The following RANBP17 variants were observed in gnomAD, a reference collection of about 807,000 sequenced individuals.
RANBP17 encodes ran-binding protein 17.
In RANBP17, 158 loss-of-function variants were observed where a neutral mutation model predicts 141.2. The observed-to-expected ratio is 1.12, with a 90% CI of 0.98 to 1.28. The LOEUF (loss-of-function observed/expected upper bound fraction) is 1.28, where lower values mean the gene tolerates loss of function less well. Among genes scored for constraint, RANBP17 ranks in the 50% most tolerant of loss-of-function variants. The pLI is 0.00. For synonymous variants in RANBP17, 430 were observed against 450.0 expected (o/e 0.96, Z 0.56); for missense variants, 1,438 against 1,290.7 (o/e 1.11, Z -1.75).
intron 24 of RANBP17, among the ~76,000 whole-genome samples, chr5:171,253,868 T>C (rs753494743): frequency 6.6e-6 from 1 of 152,186 alleles, no homozygotes; most frequent in Non-Finnish European, 1.5e-5. Context: ...GGAACTGATA[T>C]CTCTGGCCAA....
rs1297454491 is a variant in RANBP17, at chr5:170,919,603, A to G, written c.1264A>G (p.Ile422Val). 5.0e-6 allele frequency: 8 copies of G among 1,593,236 alleles called. No homozygotes were observed. The highest frequency in any genetic ancestry group is 6.8e-6 in the Non-Finnish European group (8 of 1,173,876). Residue 422 changes from isoleucine to valine, a missense_variant, in exon 11 of 28, where the codon ATA becomes GTA. Physicochemically the swap from Ile to Val is conservative, Grantham distance 29. Transcript: ENST00000523189. ...FITSRLDSVA[I>V]VVRDHLDDPL... ...CACTTCTCGGTTGGACTCTGTTGCC[A>G]TAGTTGTGAGGTATTCAAAAACTAA... is the stretch of plus-strand genomic sequence containing the variant.
At chr5:171,006,385 G>A (rs184533291) in intron 14 of RANBP17, among the ~76,000 whole-genome samples, 3 of 152,124 alleles carry the variant, frequency 2.0e-5, no homozygotes, top group African/African-American at 4.8e-5. Context: ...AGAAAATGTG[G>A]CACATATACA....
Position 170,991,833 on chromosome 5 carries a change from T to C in RANBP17, c.1710+23456T>C, listed in dbSNP as rs185799520. On this transcript the variant is annotated intron_variant, in intron 14 of 27. Transcript: ENST00000523189. ...AATAAGAAGAACTATTTTTAAAATT[T>C]TACCACTATTTAAATTTAATGGGAA... is the stretch of plus-strand genomic sequence containing the variant. Among the ~76,000 whole-genome samples the C allele has an allele frequency of 4.7e-3, 720 of 152,142 alleles. 4 individuals are homozygous for C. Among genetic ancestry groups the C allele is most frequent in the African/African-American group, 0.017 (698 of 41,538 alleles).
chr5:170,904,058 T>C (rs1770880160), intron 5 of RANBP17: 1 of 463,734 alleles, frequency 2.2e-6, no homozygotes, highest in Non-Finnish European at 4.2e-6. Flanking sequence ...ACCCTAAACA[T>C]AGTCTTTACC....
chr5:170,901,658 C>T (rs1770646122), intron 5 of RANBP17, among the ~76,000 whole-genome samples: 1 of 152,204 alleles, frequency 6.6e-6, no homozygotes, highest in Non-Finnish European at 1.5e-5. Context: ...GTGGCTGGTA[C>T]CAGTTTTTCC....
intron 19 of RANBP17, among the ~76,000 whole-genome samples, chr5:171,205,166 G>A (rs1157412781): frequency 2.0e-5 from 3 of 152,170 alleles, no homozygotes; most frequent in Non-Finnish European, 4.4e-5. Context: ...CGATGTTCAA[G>A]ATTTGCTGTT....
chr5:171,034,059 C>A (rs1781716606), intron 14 of RANBP17, among the ~76,000 whole-genome samples: 1 of 152,048 alleles, frequency 6.6e-6, no homozygotes, highest in Non-Finnish European at 1.5e-5. Context: ...CTCTAGTGAA[C>A]CCTGATGGGG....
At position 171,187,876 on chromosome 5, in the gene RANBP17, A is replaced by G. The variant is rs369649612; in HGVS notation, c.2038+4446A>G. Among the ~76,000 whole-genome samples, 195 of 152,306 alleles carry G rather than the reference A, an allele frequency of 1.3e-3. 9 individuals are homozygous for G. In the South Asian group the frequency reaches 0.039, roughly 30 times the overall value. On this transcript the variant is annotated intron_variant, in intron 18 of 27. Coordinates refer to ENST00000523189, the MANE Select transcript of RANBP17 (RefSeq NM_022897.5). ...GCAATATCATCCTTAGACAATACCAATAATACTTTTTTCTTTGTTTCTCTT... is the reference window on the plus strand; with the variant it reads ...GCAATATCATCCTTAGACAATACCAGTAATACTTTTTTCTTTGTTTCTCTT...
chr5:171,147,132 G>T (rs1449592744), intron 14 of RANBP17, among the ~76,000 whole-genome samples: 1 of 152,000 alleles, frequency 6.6e-6, no homozygotes, highest in Non-Finnish European at 1.5e-5. Flanking sequence ...TAGAATCCAG[G>T]TGCATTTTGC....
intron 14 of RANBP17, among the ~76,000 whole-genome samples, chr5:171,094,529 C>T (rs1786536934): frequency 6.6e-6 from 1 of 152,098 alleles, no homozygotes; most frequent in Admixed American, 6.6e-5. Context: ...TGAGGATCCT[C>T]TTCGCAATAT....
intron 14 of RANBP17, among the ~76,000 whole-genome samples, chr5:171,083,410 C>A (rs1341595281): frequency 6.6e-6 from 1 of 152,136 alleles, no homozygotes; most frequent in East Asian, 1.9e-4. Context: ...ACTATGCTGG[C>A]ATCCTTATAT....
At chr5:170,942,296 T>C (rs1774389066) in intron 12 of RANBP17, among the ~76,000 whole-genome samples, 1 of 152,178 alleles carries the variant, frequency 6.6e-6, no homozygotes. Flanking sequence ...AGAAAATCTG[T>C]ACACAAAATG....
At chr5:171,287,211 C>T (rs955464108) in intron 25 of RANBP17, among the ~76,000 whole-genome samples, 3 of 152,324 alleles carry the variant, frequency 2.0e-5, no homozygotes, top group Non-Finnish European at 2.9e-5. Context: ...AACAGATTGG[C>T]CGGGTGCAGT....
At chr5:170,862,241 C>T (rs1240641749) in intron 1 of RANBP17, among the ~76,000 whole-genome samples, 190 bp downstream of exon 1, 2 of 152,182 alleles carry the variant, frequency 1.3e-5, no homozygotes, top group African/African-American at 4.8e-5. Context: ...CACCCCAGGC[C>T]CGGGCCGGAG....
intron 5 of RANBP17, chr5:170,896,321 G>A: frequency 1.9e-6 from 1 of 521,858 alleles, no homozygotes; most frequent in Non-Finnish European, 3.4e-6. Flanking sequence ...ATCTGCAATA[G>A]TACAGAGTAT....
In RANBP17 at chr5:171,241,008, T is replaced by C. The variant is rs1452081972; in HGVS notation, c.2503T>C (p.Ser835Pro). Residue 835 changes from serine to proline, a missense_variant, in exon 23 of 28, where the codon TCA (serine) becomes CCA (proline). Ser to Pro is a moderately conservative substitution (Grantham distance 74). Coordinates refer to ENST00000523189, the MANE Select transcript of RANBP17 (RefSeq NM_022897.5). Reference sequence around the variant, plus strand: ...ACTCAAGGGCATCTCCATCTGCTATTCAGCTCTCAAGTCTGCCTTGTGTGG... The same window carrying C: ...ACTCAAGGGCATCTCCATCTGCTATCCAGCTCTCAAGTCTGCCTTGTGTGG... ...MKLKGISICY[S>P]ALKSALCGNY... The C allele has an allele frequency of 6.2e-7, 1 of 1,613,918 alleles. No homozygotes were observed. The highest frequency in any genetic ancestry group is 8.5e-7 in the Non-Finnish European group (1 of 1,179,916).
intron 24 of RANBP17, among the ~76,000 whole-genome samples, chr5:171,258,414 G>A (rs1297598730): frequency 6.6e-6 from 1 of 151,966 alleles, no homozygotes; most frequent in Non-Finnish European, 1.5e-5. Context: ...AAAAGAGCCT[G>A]AATAGCCAAA....
intron 14 of RANBP17, among the ~76,000 whole-genome samples, chr5:171,053,921 AT>A (rs1227062307): frequency 1.3e-4 from 5 of 39,494 alleles, no homozygotes; most frequent in Non-Finnish European, 3.1e-4. Context: ...ATATATATAT[AT>A]ATAATTGCTG....
chr5:170,863,116 C>G (rs926882496), intron 1 of RANBP17, among the ~76,000 whole-genome samples: 1 of 152,110 alleles, frequency 6.6e-6, no homozygotes, highest in Non-Finnish European at 1.5e-5. Flanking sequence ...AGGGAACTTG[C>G]AGTCTACTGG....
Sources: allele counts gnomAD v4.1 joint callset (sites outside exome capture counted in the v4.1 genomes callset), GRCh38; gene constraint gnomAD v4.1.1; transcripts MANE v1.5; gene names NCBI Gene and HGNC (gene_info 2026-07-23, HGNC 2026-07-21).